Variants in DNMT3B observed in about 807,000 individuals in gnomAD.
DNMT3B encodes DNA methyltransferase 3 beta.
Under a neutral mutation model 120.2 loss-of-function variants are expected in DNMT3B, and 37 were observed. The ratio of observed to expected loss-of-function variants is 0.31; its 90% CI spans 0.24 to 0.40. DNMT3B has a LOEUF of 0.40. Among genes scored for constraint, DNMT3B ranks in the 10% least tolerant of loss-of-function variants. The pLI, the probability that DNMT3B is intolerant of heterozygous loss-of-function variation, is 1.00. For synonymous variants in DNMT3B, 412 were observed against 442.8 expected (o/e 0.93, Z 0.87); for missense variants, 878 against 1,137.3 (o/e 0.77, Z 3.28).
intron 1 of DNMT3B, among the ~76,000 whole-genome samples, chr20:32,772,316 GTAGGTATT>G (rs1460548532): frequency 6.6e-6 from 1 of 152,228 alleles, no homozygotes; most frequent in African/African-American, 2.4e-5. Context: ...TCCCTGCTGT[GTAGGTATT>G]TAGGCTTAAG....
intron 1 of DNMT3B, chr20:32,780,015 C>T (rs977726249): frequency 3.5e-5 from 52 of 1,476,222 alleles, no homozygotes; most frequent in Admixed American, 1.4e-4. Context: ...TTTGAAGGGG[C>T]CGGCTAATTG....
Position 32,792,618 on chromosome 20 carries a change from C to T in DNMT3B, c.922-8C>T, listed in dbSNP as rs200508870. The T allele has an allele frequency of 5.7e-4, 915 of 1,614,206 alleles. No homozygotes were observed. Among genetic ancestry groups the T allele is most frequent in the Admixed American group, 2.7e-3 (162 of 60,022 alleles). ...CCCCCCCATTCATCACAGACTCTGC[C>T]TTTGCAGAAAGCTAGGGTGCGAGCT... On this transcript the variant is annotated splice_region_variant and splice_polypyrimidine_tract_variant and intron_variant, in intron 8 of 22. Coordinates refer to ENST00000328111, the MANE Select transcript of DNMT3B (RefSeq NM_006892.4).
At chr20:32,804,049 C>T (rs1248889036) in intron 20 of DNMT3B, among the ~76,000 whole-genome samples, 2 of 152,088 alleles carry the variant, frequency 1.3e-5, no homozygotes, top group African/African-American at 4.8e-5. Context: ...TGAGTGGTGG[C>T]CCCTGGGGTT....
At chr20:32,770,603 C>T (rs1470560573) in intron 1 of DNMT3B, among the ~76,000 whole-genome samples, 5 of 137,756 alleles carry the variant, frequency 3.6e-5, no homozygotes, top group African/African-American at 1.1e-4. Context: ...CACCATGCTC[C>T]GCCTTACTTT....
intron 8 of DNMT3B, among the ~76,000 whole-genome samples, chr20:32,792,212 G>A (rs1194153480): frequency 6.6e-6 from 1 of 152,098 alleles, no homozygotes; most frequent in Admixed American, 6.5e-5. Flanking sequence ...CCTTCATGTA[G>A]GACACAAGTT....
chr20:32,806,125 C>T, intron 21 of DNMT3B, 84 bp from the exon 22 acceptor site: 1 of 1,276,538 alleles, frequency 7.8e-7, no homozygotes, highest in Non-Finnish European at 1.1e-6. Context: ...GCTCTCCCCT[C>T]CATCTTTCCC....
intron 11 of DNMT3B, 44 bp from the exon 12 acceptor site, chr20:32,795,606 C>G (rs1568850288): frequency 6.2e-7 from 1 of 1,614,140 alleles, no homozygotes; most frequent in Non-Finnish European, 8.5e-7. Flanking sequence ...TGATCTGTAC[C>G]CGGCTCCCTG....
At position 32,809,260 on chromosome 20, in the gene DNMT3B, CTG is replaced by C. The variant is rs1398682376; in HGVS notation, c.*1360_*1361del. ...CGACGTAACAAATATGGGGAAAAAA[CTG>C]TGCCTTGTTTCAACAGTTTTTGCTA... On this transcript the variant is annotated 3_prime_UTR_variant, in exon 23 of 23. Coordinates refer to ENST00000328111, the MANE Select transcript of DNMT3B (RefSeq NM_006892.4). 4 of 218,594 alleles carry C rather than the reference CTG, an allele frequency of 1.8e-5. No homozygotes were observed. The highest frequency in any genetic ancestry group is 4.5e-5 in the African/African-American group (2 of 44,448). 13.5% of individuals were successfully genotyped at this position (218,594 alleles called of 1,614,324 possible).
At chr20:32,775,410 T>C (rs1336659574) in intron 1 of DNMT3B, among the ~76,000 whole-genome samples, 2 of 152,218 alleles carry the variant, frequency 1.3e-5, no homozygotes, top group Non-Finnish European at 2.9e-5. Context: ...GTTCTCAGCA[T>C]TACTGCTGGG....
chr20:32,805,230 G>A lies in DNMT3B; in HGVS notation c.2232-108G>A. On this transcript the variant is annotated intron_variant, in intron 20 of 22. Coordinates refer to ENST00000328111, the MANE Select transcript of DNMT3B (RefSeq NM_006892.4). ...ATTTTCATCATTTATTTGTAGCCAA[G>A]TTCACTGCCAGGGCACATCTCTGCA... 2.9e-6 allele frequency: 4 copies of A among 1,360,764 alleles called. No homozygotes were observed. In the South Asian group the frequency reaches 4.7e-5, roughly 16 times the overall value. The allele number at this position is 1,360,764 out of a possible 1,614,324, so 84.3% of individuals were successfully genotyped here. A position where few individuals can be genotyped will look rare whatever the true frequency, so the allele number is the denominator to read the frequency against.
At chr20:32,796,319 G>T (rs1980615529) in intron 12 of DNMT3B, among the ~76,000 whole-genome samples, 1 of 152,188 alleles carries the variant, frequency 6.6e-6, no homozygotes, top group Non-Finnish European at 1.5e-5. Flanking sequence ...CCCAGCCAGG[G>T]ATGCAACTCC....
In DNMT3B at chr20:32,783,074, A is replaced by G. The variant is rs192638420; in HGVS notation, c.204+1660A>G. The stretch of plus-strand genomic sequence containing the variant: ...GAGTAGCTGGGACTACAGGCAATGG[A>G]CCACCATACCCAGCCAATTTTTTTG... On this transcript the variant is annotated intron_variant, in intron 3 of 22. Transcript: ENST00000328111. Among the ~76,000 whole-genome samples the G allele has an allele frequency of 1.2e-3, 179 of 151,950 alleles. 1 individual carries two copies. The highest frequency in any genetic ancestry group is 4.0e-3 in the African/African-American group (167 of 41,424).
At chr20:32,801,470 G>A in intron 19 of DNMT3B, 44 bp downstream of exon 19, 1 of 1,612,538 alleles carries the variant, frequency 6.2e-7, no homozygotes, top group Non-Finnish European at 8.5e-7. Context: ...AGCCAGGGCA[G>A]GGAAAGCGCT....
At chr20:32,774,180 GCTTA>G (rs1168273803) in intron 1 of DNMT3B, among the ~76,000 whole-genome samples, 1 of 151,572 alleles carries the variant, frequency 6.6e-6, no homozygotes, top group Non-Finnish European at 1.5e-5. Context: ...CCCTCCCTGG[GCTTA>G]CTTACTGCAT....
intron 22 of DNMT3B, 142 bp from the exon 23 acceptor site, chr20:32,807,620 G>C (rs758582877): frequency 2.4e-5 from 30 of 1,224,800 alleles, no homozygotes; most frequent in Non-Finnish European, 3.4e-5. Flanking sequence ...CTGAATTAAG[G>C]GCTCTGAATT....
chr20:32,768,280 C>T (rs1987508076), intron 1 of DNMT3B, among the ~76,000 whole-genome samples: 1 of 121,348 alleles, frequency 8.2e-6, no homozygotes, highest in Non-Finnish European at 1.6e-5. Flanking sequence ...ACCACAACCC[C>T]CGCTTCCCGG....
chr20:32,787,545 C>T (rs1979475683), intron 6 of DNMT3B, 94 bp downstream of exon 6: 6 of 1,374,146 alleles, frequency 4.4e-6, no homozygotes, highest in Non-Finnish European at 6.1e-6. Flanking sequence ...AGAGCGACAA[C>T]AGTTGTTAGA....
intron 1 of DNMT3B, among the ~76,000 whole-genome samples, chr20:32,774,462 G>T (rs545167618): frequency 6.7e-6 from 1 of 149,508 alleles, no homozygotes; most frequent in East Asian, 2.0e-4. Context: ...GCCCACGTCG[G>T]CCTCCCAAAG....
At chr20:32,787,544 A>G (rs1979475159) in intron 6 of DNMT3B, 93 bp downstream of exon 6, 1 of 1,384,624 alleles carries the variant, frequency 7.2e-7, no homozygotes, top group African/African-American at 1.4e-5. Flanking sequence ...CAGAGCGACA[A>G]CAGTTGTTAG....
Sources: gnomAD v4.1 joint callset for allele counts (sites outside exome capture counted in the v4.1 genomes callset) on GRCh38, gnomAD v4.1.1 for gene constraint, MANE v1.5 for transcripts, NCBI Gene and HGNC (gene_info 2026-07-23, HGNC 2026-07-21) for gene names.